KCNAB2: variants seen among roughly 807,000 people sequenced by gnomAD.
KCNAB2 encodes voltage-gated potassium channel subunit beta-2.
Under a neutral mutation model 63.6 loss-of-function variants are expected in KCNAB2, and 29 were observed. That is an observed-to-expected ratio of 0.46 (90% CI 0.34 to 0.62). The LOEUF (loss-of-function observed/expected upper bound fraction) is 0.62. KCNAB2 is among the 20% of genes least tolerant of loss of function. The pLI, the probability that KCNAB2 is intolerant of heterozygous loss-of-function variation, is 0.01. For missense variants in KCNAB2, 359 were observed against 563.9 expected (o/e 0.64, Z 3.68); for synonymous variants, 222 against 224.2 (o/e 0.99, Z 0.09).
At chr1:6,011,213 G>A (rs2100269817) in intron 1 of KCNAB2, among the ~76,000 whole-genome samples, 1 of 152,328 alleles carries the variant, frequency 6.6e-6, no homozygotes, top group South Asian at 2.1e-4. Flanking sequence ...GAGCAGGAGG[G>A]AAACAGGCAG....
Position 6,073,898 on chromosome 1 carries a change from C to A in KCNAB2, c.300+128C>A. 1.0e-6 allele frequency: 1 copy of A among 994,100 alleles called. No homozygotes were observed. Among genetic ancestry groups the A allele is most frequent in the Non-Finnish European group, 1.6e-6 (1 of 637,098 alleles). The allele number at this position is 994,100 out of a possible 1,614,324, so 61.6% of individuals were successfully genotyped here. A position where few individuals can be genotyped will look rare whatever the true frequency, so the allele number is the denominator to read the frequency against. ...AGCGCAGCAGCCTCCCTCCCTCTTT[C>A]TGTTTTGTGAGGGCGCCCTGCCCCA... is the stretch of plus-strand genomic sequence containing the variant. On this transcript the variant is annotated intron_variant, in intron 4 of 15. Coordinates refer to ENST00000378083, the MANE Select transcript of KCNAB2 (RefSeq NM_001199862.2). This position sits in a 1 kb window ranked among gnomAD's most constrained non-coding sequence, Gnocchi z 5.7.
Position 6,086,440 on chromosome 1 carries a change from C to G in KCNAB2, c.426-1027C>G, listed in dbSNP as rs191727960. The G allele has an allele frequency of 2.1e-6, 2 of 932,462 alleles. No individual in the cohort carries two copies. Among genetic ancestry groups the G allele is most frequent in the Non-Finnish European group, 2.6e-6 (2 of 781,604 alleles). 57.8% of individuals were successfully genotyped at this position (932,462 alleles called of 1,614,324 possible). ...GGGTGATCCCCCTTCCTGGAGGTGA[C>G]GCTGCCTCTGCCAGAGCTCTGTGGC... On this transcript the variant is annotated intron_variant, in intron 6 of 15. Coordinates refer to ENST00000378083, the MANE Select transcript of KCNAB2 (RefSeq NM_001199862.2). The surrounding 1 kb of genome is among the most constrained non-coding windows in gnomAD (Gnocchi z 4.2).
upstream of KCNAB2, among the ~76,000 whole-genome samples, chr1:6,042,834 CCA>C (rs1660605556): frequency 1.8e-5 from 1 of 55,408 alleles, no homozygotes; most frequent in African/African-American, 8.2e-5. Flanking sequence ...CCCCGCGCCC[CCA>C]CTCCCCACCC....
intron 1 of KCNAB2, among the ~76,000 whole-genome samples, chr1:6,005,829 G>A (rs565682356): frequency 1.8e-4 from 27 of 151,800 alleles, no homozygotes; most frequent in Non-Finnish European, 1.0e-4. Context: ...CACGGGTGCT[G>A]TGACTGGAGG....
chr1:6,068,074 T>G (rs1352130288), intron 2 of KCNAB2, among the ~76,000 whole-genome samples: 1 of 152,222 alleles, frequency 6.6e-6, no homozygotes, highest in East Asian at 1.9e-4. Flanking sequence ...TATATGTATA[T>G]TTTTTGGTTC....
intron 1 of KCNAB2, among the ~76,000 whole-genome samples, chr1:6,050,320 G>A (rs1391909003): frequency 6.6e-6 from 1 of 152,224 alleles, no homozygotes; most frequent in Admixed American, 6.5e-5. Context: ...ATGCAGAGCT[G>A]CAGTGCAGGC....
chr1:6,085,147 G>A (rs1199386163), intron 5 of KCNAB2, 57 bp from the exon 6 acceptor site: 9 of 1,593,154 alleles, frequency 5.6e-6, no homozygotes, highest in South Asian at 2.2e-5. Context: ...GCCACAGTGG[G>A]TCTGGGTTTG....
At chr1:6,039,203 G>A (rs187907346) in intron 1 of KCNAB2, among the ~76,000 whole-genome samples, 10 of 152,304 alleles carry the variant, frequency 6.6e-5, no homozygotes, top group African/African-American at 1.2e-4. Context: ...GCAAGCATCC[G>A]CAGACAGTGT....
chr1:6,094,525 C>T, intron 11 of KCNAB2, 40 bp downstream of exon 11: 3 of 1,534,116 alleles, frequency 2.0e-6, no homozygotes, highest in Non-Finnish European at 2.7e-6. Flanking sequence ...CAGGCACAGA[C>T]TCCCGGCACC....
At chr1:6,044,646 G>A (rs1660771021), upstream of KCNAB2, among the ~76,000 whole-genome samples, 1 of 152,158 alleles carries the variant, frequency 6.6e-6, no homozygotes, top group African/African-American at 2.4e-5. Context: ...GGGCACTGGG[G>A]AGCCATCTAT....
At position 6,019,733 on chromosome 1, in the gene KCNAB2, T is replaced by C. The variant is rs573870103; in HGVS notation, c.-52-20784T>C. On this transcript the variant is annotated intron_variant, in intron 1 of 16. Coordinates refer to the KCNAB2 transcript ENST00000341524. ...CCCACGTGCAGCACGTGCTGCACAG[T>C]GTCGGCCAAAATTATATTCATGGCT... 4.6e-5 allele frequency among the ~76,000 whole-genome samples: 7 copies of C among 152,236 alleles called. No homozygotes were observed. In the East Asian group the frequency reaches 1.4e-3, roughly 29 times the overall value.
intron 2 of KCNAB2, 91 bp from the exon 3 acceptor site, chr1:6,072,664 A>G: frequency 7.5e-7 from 1 of 1,336,854 alleles, no homozygotes; most frequent in Non-Finnish European, 1.1e-6. Flanking sequence ...CTGTTGGGGG[A>G]GTGGGTGGGG....
chr1:6,082,033 C>T (rs374036772), intron 4 of KCNAB2, among the ~76,000 whole-genome samples, 162 bp from the exon 5 acceptor site: 6 of 152,328 alleles, frequency 3.9e-5, no homozygotes, highest in Admixed American at 2.6e-4. Context: ...CATCCCTGTC[C>T]TGTGGCAGGA....
intron 1 of KCNAB2, among the ~76,000 whole-genome samples, chr1:6,004,930 AG>A (rs1170091368): frequency 3.6e-5 from 5 of 139,252 alleles, no homozygotes; most frequent in Non-Finnish European, 8.1e-5. Context: ...TTGCTGGCTG[AG>A]GGGTGAGGGT....
chr1:6,089,120 G>T (rs531250264), intron 8 of KCNAB2, 69 bp downstream of exon 8: 2 of 1,461,608 alleles, frequency 1.4e-6, no homozygotes. Flanking sequence ...CAAAGTGATG[G>T]CAGCACAGGG....
chr1:6,039,772 C>T (rs570319235), intron 1 of KCNAB2, among the ~76,000 whole-genome samples: 5 of 152,334 alleles, frequency 3.3e-5, no homozygotes, highest in Non-Finnish European at 5.9e-5. Context: ...GGGCTGAGGG[C>T]TCAGCTTCTC....
At chr1:6,094,038 C>T (rs181801787) in intron 10 of KCNAB2, among the ~76,000 whole-genome samples, 1 of 152,278 alleles carries the variant, frequency 6.6e-6, no homozygotes, top group Non-Finnish European at 1.5e-5. Context: ...CTCGAATCTT[C>T]CCCAGACCAG....
At position 6,099,533 on chromosome 1, in the gene KCNAB2, G is replaced by T. The variant is rs1278902514; in HGVS notation, c.*959G>T. 1.3e-5 allele frequency: 5 copies of T among 391,074 alleles called. No homozygotes were observed. Among genetic ancestry groups the T allele is most frequent in the Non-Finnish European group, 1.8e-5 (4 of 221,386 alleles). 24.2% of individuals were successfully genotyped at this position (391,074 alleles called of 1,614,324 possible). On this transcript the variant is annotated 3_prime_UTR_variant, in exon 16 of 16. Coordinates refer to ENST00000378083, the MANE Select transcript of KCNAB2 (RefSeq NM_001199862.2). ...ACCACGGCAAGTGGCAGCAGGGGCCGGCCCTGTGCACAAGGATGCACTCCT... is the reference window on the plus strand; with the variant it reads ...ACCACGGCAAGTGGCAGCAGGGGCCTGCCCTGTGCACAAGGATGCACTCCT...
At chr1:6,093,303 A>C (rs1367123276) in intron 10 of KCNAB2, among the ~76,000 whole-genome samples, 1 of 152,200 alleles carries the variant, frequency 6.6e-6, no homozygotes, top group African/African-American at 2.4e-5. Context: ...ACTTGCAAGC[A>C]CTGTATCCGA....
Sources: gnomAD v4.1 joint callset for allele counts (sites outside exome capture counted in the v4.1 genomes callset) on GRCh38, gnomAD v4.1.1 for gene constraint, Gnocchi (gnomAD v3.1) non-coding constraint, MANE v1.5 for transcripts, NCBI Gene and HGNC (gene_info 2026-07-23, HGNC 2026-07-21) for gene names.